DDX51: variants seen among roughly 807,000 people sequenced by gnomAD.
DDX51 encodes DEAD-box helicase 51.
A neutral mutation model predicts 74.6 loss-of-function variants in DDX51; 67 were observed. The observed-to-expected ratio is 0.90, with a 90% confidence interval of 0.74 to 1.10. The LOEUF (loss-of-function observed/expected upper bound fraction) is 1.10. Ranked by LOEUF, DDX51 falls within the 50% of genes least tolerant of loss-of-function variation. DDX51 has a pLI of 0.00. For missense variants in DDX51, 1,056 were observed against 905.2 expected (o/e 1.17, Z -2.14); for synonymous variants, 545 against 402.9 (o/e 1.35, Z -4.22).
chr12:132,141,078 G>A (rs913739920), intron 8 of DDX51, 58 bp from the exon 9 acceptor site: 68 of 1,541,396 alleles, frequency 4.4e-5, no homozygotes, highest in African/African-American at 1.8e-4. Context: ...AACCTCCAGG[G>A]AACAGGATTC....
Position 132,140,873 on chromosome 12 carries a change from C to A in DDX51, c.1398G>T (p.Gly466=). The change falls in exon 9 of 15, where the codon GGG becomes GGT. Residue 466 remains glycine, a synonymous_variant. Transcript: ENST00000397333. ...LAHRGLEDTD[G]DGDSGKYAFP... ...AGGCATACTTCCCCGAATCCCCGTC[C>A]CCATCTGTATCTTCCAGGCCCCTGT... 6.2e-7 allele frequency: 1 copy of A among 1,613,654 alleles called. No homozygotes were observed.
rs563745815 is a variant in DDX51 at position 132,137,970 on chromosome 12, G to A, written c.*1302C>T. The stretch of plus-strand genomic sequence containing the variant: ...TAGCCGGAGCCTTCCTTCAGTTAGC[G>A]TCAGGTTCCGGGTTCATCCACGGGG... On this transcript the variant is annotated 3_prime_UTR_variant, in exon 15 of 15. Transcript: ENST00000397333. 5.9e-5 allele frequency: 9 copies of A among 152,332 alleles called. No individual in the cohort carries two copies. Among genetic ancestry groups the A allele is most frequent in the Non-Finnish European group, 1.3e-4 (9 of 68,056 alleles). The allele number at this position is 152,332 out of a possible 1,614,324, so 9.4% of individuals were successfully genotyped here.
Position 132,140,929 on chromosome 12 carries a change from G to A in DDX51, c.1342C>T (p.Gln448Ter). ...PEKLQQLGLH[Q>*]PRLFSTGLAH... ...AGCCCTGTGGAGAAAAGCCGGGGCTGGTGGAGGCCCAGCTGCTGCAGCTTT... is the reference window on the plus strand; with the variant it reads ...AGCCCTGTGGAGAAAAGCCGGGGCTAGTGGAGGCCCAGCTGCTGCAGCTTT... Residue 448 changes from glutamine to a stop codon, truncating the protein, a stop_gained, in exon 9 of 15, where the codon CAG becomes TAG. Transcript: ENST00000397333. LOFTEE classifies it high-confidence loss of function. The A allele has an allele frequency of 1.2e-6, 2 of 1,613,348 alleles. No individual in the cohort carries two copies. Among genetic ancestry groups the A allele is most frequent in the Non-Finnish European group, 1.7e-6 (2 of 1,179,948 alleles).
intron 6 of DDX51, 73 bp downstream of exon 6, chr12:132,141,777 C>G (rs1897473257): frequency 6.5e-7 from 1 of 1,550,192 alleles, no homozygotes; most frequent in African/African-American, 1.4e-5. Flanking sequence ...CTCCTCTGCT[C>G]CCACGGTGCC....
intron 6 of DDX51, 33 bp downstream of exon 6, chr12:132,141,817 C>T: frequency 6.2e-7 from 1 of 1,606,870 alleles, no homozygotes. Context: ...GAGCAGGGAC[C>T]CCCTGAAAAA....
chr12:132,139,405 G>A (rs552113255), intron 14 of DDX51, 107 bp from the exon 15 acceptor site: 912 of 1,543,984 alleles, frequency 5.9e-4, no homozygotes, highest in Non-Finnish European at 7.8e-4. Context: ...CCCTGTGCAT[G>A]CAGAAACCAG....
rs1480097952 is a variant in DDX51, at chr12:132,137,098, G to A, written c.*2174C>T. The A allele has an allele frequency of 6.6e-6, 1 of 152,256 alleles. No homozygotes were observed. Among genetic ancestry groups the A allele is most frequent in the Non-Finnish European group, 1.5e-5 (1 of 68,062 alleles). 9.4% of individuals were successfully genotyped at this position (152,256 alleles called of 1,614,324 possible). A position where few individuals can be genotyped will look rare whatever the true frequency, so the allele number is the denominator to read the frequency against. ...GTTTCTGTCAGACTCAGTCTGTGCT[G>A]CTCTGTGACACTTTTCTGCGAGGGT... is the stretch of plus-strand genomic sequence containing the variant. On this transcript the variant is annotated 3_prime_UTR_variant, in exon 15 of 15. Transcript: ENST00000397333.
chr12:132,143,152 G>A, intron 2 of DDX51: 1 of 483,246 alleles, frequency 2.1e-6, no homozygotes, highest in Non-Finnish European at 3.8e-6. Context: ...GCGCTCGCCT[G>A]CCCCAGCCAC....
chr12:132,141,085 A>T, intron 8 of DDX51, 65 bp from the exon 9 acceptor site: 2 of 1,537,512 alleles, frequency 1.3e-6, no homozygotes, highest in Admixed American at 4.2e-5. Flanking sequence ...AGGGAACAGG[A>T]TTCCTCATGC....
In DDX51 at chr12:132,143,804, G is replaced by A. The variant is rs1156276728; in HGVS notation, c.410C>T (p.Thr137Ile). 1.3e-6 allele frequency: 2 copies of A among 1,526,044 alleles called. No homozygotes were observed. The highest frequency in any genetic ancestry group is 1.8e-6 in the Non-Finnish European group (2 of 1,142,386). 94.5% of individuals were successfully genotyped at this position (1,526,044 alleles called of 1,614,324 possible). Residue 137 changes from threonine to isoleucine, a missense_variant, in exon 2 of 15, where the codon ACC becomes ATC. Transcript: ENST00000397333. ...SSEEAPGERS[T>I]SASAEAAPDG... is the part of the protein sequence containing the mutation. ...TGGGGCCGCCTCGGCGCTGGCGCTG[G>A]TGCTGCGCTCCCCCGGCGCCTCCTC...
intron 2 of DDX51, 133 bp from the exon 3 acceptor site, chr12:132,143,011 G>A (rs1456328474): frequency 3.3e-6 from 4 of 1,210,956 alleles, no homozygotes; most frequent in East Asian, 4.9e-5. Context: ...GCCCCAGGAT[G>A]CGCTTTCCAT....
Position 132,142,155 on chromosome 12 carries a change from G to A in DDX51, c.852C>T (p.Ala284=), listed in dbSNP as rs1897489887. The A allele has an allele frequency of 2.6e-6, 4 of 1,551,820 alleles. No homozygotes were observed. Among genetic ancestry groups the A allele is most frequent in the South Asian group, 1.2e-5 (1 of 80,372 alleles). The change falls in exon 5 of 15, where the codon GCC becomes GCT. Residue 284 remains alanine, a synonymous_variant. Transcript: ENST00000397333. ...LLSRVVCHIR[A]LVVLPTKELA... ...GCTCCTTGGTGGGCAGCACAACCAGGGCACGGATGTGGCAGACCACTCTCG... is the reference window on the plus strand; with the variant it reads ...GCTCCTTGGTGGGCAGCACAACCAGAGCACGGATGTGGCAGACCACTCTCG...
At position 132,141,839 on chromosome 12, in the gene DDX51, A is replaced by C; in HGVS notation, c.995+11T>G. The C allele has an allele frequency of 6.2e-7, 1 of 1,612,880 alleles. No individual in the cohort carries two copies. Among genetic ancestry groups the C allele is most frequent in the Non-Finnish European group, 8.5e-7 (1 of 1,179,860 alleles). On this transcript the variant is annotated intron_variant, in intron 6 of 14. Coordinates refer to ENST00000397333, the MANE Select transcript of DDX51 (RefSeq NM_175066.4). The stretch of plus-strand genomic sequence containing the variant: ...GACCCCCTGAAAAACCCGCACCCTG[A>C]CACAACCTACGTTTTCTGGACGAGG...
Position 132,140,846 on chromosome 12 carries a change from A to G in DDX51, c.1425T>C (p.Phe475=), listed in dbSNP as rs1565953830. The change falls in exon 9 of 15, where the codon TTT becomes TTC. Residue 475 remains phenylalanine (F), a synonymous_variant. Coordinates refer to ENST00000397333, the MANE Select transcript of DDX51 (RefSeq NM_175066.4). ...TCCCACTCACCGTGAGCCCAACAGG[A>G]AAGGCATACTTCCCCGAATCCCCGT... ...DGDGDSGKYA[F]PVGLTHHYVP... is the part of the protein sequence containing the mutation. 5 of 1,613,438 alleles carry G rather than the reference A, an allele frequency of 3.1e-6. No homozygotes were observed. The South Asian group carries it at 3.3e-5, about 11-fold the overall frequency.
intron 14 of DDX51, 68 bp downstream of exon 14, chr12:132,139,567 G>T (rs770973508): frequency 6.2e-7 from 1 of 1,611,762 alleles, no homozygotes; most frequent in Non-Finnish European, 8.5e-7. Context: ...TTCTCCACGT[G>T]TGGTGACGAC....
In DDX51 at chr12:132,140,832, G is replaced by A. The variant is rs756125722; in HGVS notation, c.1439C>T (p.Thr480Met). The A allele has an allele frequency of 1.2e-5, 20 of 1,613,376 alleles. No homozygotes were observed. The highest frequency in any genetic ancestry group is 9.9e-5 in the South Asian group (9 of 91,084). The change falls in exon 9 of 15, where the codon ACG (threonine) becomes ATG (methionine). Residue 480 changes from threonine to methionine, a missense_variant and splice_region_variant. Coordinates refer to ENST00000397333, the MANE Select transcript of DDX51 (RefSeq NM_175066.4). ...SGKYAFPVGL[T>M]HHYVPCSLSS... ...CTGCCCACACGGTATCCCACTCACC[G>A]TGAGCCCAACAGGAAAGGCATACTT...
rs758567119 is a variant in DDX51, at chr12:132,140,860, C to G, written c.1411G>C (p.Gly471Arg). The change falls in exon 9 of 15, where the codon GGG (glycine) becomes CGG (arginine). Residue 471 changes from glycine to arginine, a missense_variant. Gly to Arg is a moderately radical substitution (Grantham distance 125, BLOSUM62 -2). Transcript: ENST00000397333. ...LEDTDGDGDS[G>R]KYAFPVGLTH... ...AGCCCAACAGGAAAGGCATACTTCC[C>G]CGAATCCCCGTCCCCATCTGTATCT... 3 of 1,613,606 alleles carry G rather than the reference C, an allele frequency of 1.9e-6. No individual in the cohort carries two copies. In the South Asian group the frequency reaches 3.3e-5, roughly 18 times the overall value.
At position 132,141,487 on chromosome 12, in the gene DDX51, C is replaced by T. The variant is rs201596711; in HGVS notation, c.1104+11G>A. 1.1e-3 allele frequency: 1,785 copies of T among 1,584,458 alleles called. 17 individuals are homozygous for T. The South Asian group carries it at 0.013, about 12-fold the overall frequency. On this transcript the variant is annotated intron_variant, in intron 7 of 14. Transcript: ENST00000397333. ...GAGCTCAAAGCCCAGGCCCCTGGGG[C>T]GGGGACCTACCAGGAAGCGGAGCTG...
At chr12:132,141,229 G>T (rs768513264) in intron 8 of DDX51, 46 bp downstream of exon 8, 1 of 1,549,198 alleles carries the variant, frequency 6.5e-7, no homozygotes, top group East Asian at 2.3e-5. Flanking sequence ...TGTGTGCAGA[G>T]GACTCTGCTC....
Sources: gnomAD v4.1 joint callset for allele counts on GRCh38, gnomAD v4.1.1 for gene constraint, MANE v1.5 for transcripts, NCBI Gene and HGNC (gene_info 2026-07-23, HGNC 2026-07-21) for gene names.